ASAP1: variants seen among roughly 807,000 people sequenced by gnomAD.
The protein encoded by ASAP1 is arf-GAP with SH3 domain, ANK repeat and PH domain-containing protein 1.
ASAP1 carries 43 observed loss-of-function variants against 145.2 expected under a neutral mutation model. The observed-to-expected ratio is 0.30, with a 90% CI of 0.23 to 0.38. ASAP1 has a LOEUF of 0.38. Ranked by LOEUF, ASAP1 falls within the 10% of genes least tolerant of loss-of-function variation. The pLI is 1.00. For synonymous variants in ASAP1, 546 were observed against 515.5 expected (o/e 1.06, Z -0.80); for missense variants, 1,018 against 1,355.3 (o/e 0.75, Z 3.91).
chr8:130,151,147 C>T (rs181363932), intron 13 of ASAP1, among the ~76,000 whole-genome samples: 1 of 151,854 alleles, frequency 6.6e-6, no homozygotes, highest in Non-Finnish European at 1.5e-5. Context: ...CCGAAGCGGG[C>T]AGATCACAAG....
intron 2 of ASAP1, among the ~76,000 whole-genome samples, chr8:130,398,737 A>AAT (rs1048206880): frequency 2.2e-4 from 33 of 152,314 alleles, no homozygotes; most frequent in African/African-American, 7.7e-4. Flanking sequence ...TAAGTCTATA[A>AAT]AACAGGAGAG....
intron 3 of ASAP1, among the ~76,000 whole-genome samples, chr8:130,266,372 G>T (rs10505549): frequency 0.18 from 27,563 of 152,062 alleles, 3,168 homozygotes; most frequent in East Asian, 0.44. Flanking sequence ...TCATATCAGT[G>T]ACTTAATCTC....
At position 130,244,836 on chromosome 8, in the gene ASAP1, GC is replaced by G. The variant is rs1233839672; in HGVS notation, c.187-7843del. Reference sequence around the variant, plus strand: ...CCCCTGCAATCCTGGAGGAGAAGACGCCCATGGCATTCTATCTGACACTCCT... The same window carrying G: ...CCCCTGCAATCCTGGAGGAGAAGACGCCATGGCATTCTATCTGACACTCCT... On this transcript the variant is annotated intron_variant, in intron 3 of 29. Transcript: ENST00000518721. 1.8e-4 allele frequency among the ~76,000 whole-genome samples: 27 copies of G among 152,122 alleles called. 1 individual carries two copies. Among genetic ancestry groups the G allele is most frequent in the Admixed American group, 1.8e-3 (27 of 15,258 alleles).
intron 3 of ASAP1, among the ~76,000 whole-genome samples, chr8:130,312,886 A>ATTC (rs1289058128): frequency 2.6e-5 from 4 of 152,220 alleles, no homozygotes; most frequent in Non-Finnish European, 5.9e-5. Context: ...AGATGAGGGA[A>ATTC]TAAGCACGTG....
Position 130,379,314 on chromosome 8 carries a change from G to A in ASAP1, c.60-21171C>T, listed in dbSNP as rs765146441. Among the ~76,000 whole-genome samples the A allele has an allele frequency of 1.3e-3, 200 of 152,134 alleles. 3 individuals carry two copies. The highest frequency in any genetic ancestry group is 2.8e-4 in the Non-Finnish European group (19 of 68,030). On this transcript the variant is annotated intron_variant, in intron 2 of 29. Coordinates refer to ENST00000518721, the MANE Select transcript of ASAP1 (RefSeq NM_018482.4). ...GAGTTGTATCCTTTATAATAAACCA[G>A]TAATAGTAAGTATTTTCCTGAGTTC...
intron 1 of ASAP1, among the ~76,000 whole-genome samples, chr8:130,428,415 CCATCACCAT>C (rs1830005754): frequency 1.6e-5 from 2 of 122,982 alleles, no homozygotes; most frequent in Admixed American, 8.4e-5. Flanking sequence ...ATCACCACCA[CCATCACCAT>C]CATCATCATC....
chr8:130,420,101 C>T (rs1291135386), intron 1 of ASAP1, among the ~76,000 whole-genome samples: 1 of 152,012 alleles, frequency 6.6e-6, no homozygotes, highest in Non-Finnish European at 1.5e-5. Context: ...AACCAGCTTA[C>T]ACCTACTTAA....
chr8:130,379,648 C>G (rs1451471171), intron 2 of ASAP1, among the ~76,000 whole-genome samples: 4 of 152,142 alleles, frequency 2.6e-5, no homozygotes, highest in Non-Finnish European at 5.9e-5. Flanking sequence ...TAGAGAAAAC[C>G]CCAAACATTT....
chr8:130,382,239 T>C (rs1401290719), intron 2 of ASAP1, among the ~76,000 whole-genome samples: 1 of 135,522 alleles, frequency 7.4e-6, no homozygotes. Context: ...TGAGCCGAGA[T>C]TGCGCCACTG....
chr8:130,133,457 C>G (rs1283580304), intron 15 of ASAP1, among the ~76,000 whole-genome samples: 1 of 151,484 alleles, frequency 6.6e-6, no homozygotes, highest in Non-Finnish European at 1.5e-5. Flanking sequence ...GAGATCGAGA[C>G]CATCCTGGCT....
At chr8:130,244,916 T>C (rs950623864) in intron 3 of ASAP1, among the ~76,000 whole-genome samples, 1 of 151,984 alleles carries the variant, frequency 6.6e-6, no homozygotes, top group East Asian at 1.9e-4. Context: ...GAAAGACAAG[T>C]TGAGGCAGAG....
intron 2 of ASAP1, among the ~76,000 whole-genome samples, chr8:130,364,311 T>C (rs1313661094): frequency 6.6e-6 from 1 of 152,244 alleles, no homozygotes; most frequent in Admixed American, 6.5e-5. Flanking sequence ...TTTAGTCCTA[T>C]GAAAGAATAA....
chr8:130,384,914 T>C (rs963951330), intron 2 of ASAP1, among the ~76,000 whole-genome samples: 2 of 152,194 alleles, frequency 1.3e-5, no homozygotes, highest in Non-Finnish European at 2.9e-5. Context: ...CTGGAAGTTA[T>C]AATCTAGTGA....
chr8:130,150,691 A>C (rs942027690), intron 13 of ASAP1, among the ~76,000 whole-genome samples: 3 of 151,998 alleles, frequency 2.0e-5, no homozygotes, highest in Non-Finnish European at 2.9e-5. Flanking sequence ...CCAGCTGGGC[A>C]ACACAGCGAA....
intron 15 of ASAP1, among the ~76,000 whole-genome samples, chr8:130,131,153 A>AAAAC (rs149995760): frequency 0.22 from 32,989 of 149,196 alleles, 4,310 homozygotes; most frequent in African/African-American, 0.36. Context: ...CAAGACTCTG[A>AAAAC]AAACAAACAA....
chr8:130,376,072 G>A (rs1827476481), intron 2 of ASAP1, among the ~76,000 whole-genome samples: 1 of 152,206 alleles, frequency 6.6e-6, no homozygotes, highest in African/African-American at 2.4e-5. Flanking sequence ...TGGAATTAGA[G>A]CTTCCAGGAA....
chr8:130,409,026 C>A (rs1228325537), intron 1 of ASAP1, among the ~76,000 whole-genome samples: 1 of 152,098 alleles, frequency 6.6e-6, no homozygotes, highest in African/African-American at 2.4e-5. Context: ...CTTTGGGAGG[C>A]CAAGGCGGGT....
Position 130,382,547 on chromosome 8 carries a change from G to A in ASAP1, c.59+19338C>T, listed in dbSNP as rs532220281. ...GTATTCTCATTTGTATCCCCAGCAC[G>A]CAGTGCTACCACCCAATAGATGCTT... On this transcript the variant is annotated intron_variant, in intron 2 of 29. Coordinates refer to ENST00000518721, the MANE Select transcript of ASAP1 (RefSeq NM_018482.4). Among the ~76,000 whole-genome samples, 17 of 152,140 alleles carry A rather than the reference G, an allele frequency of 1.1e-4. 1 individual carries two copies. The South Asian group carries it at 3.1e-3, about 28-fold the overall frequency.
intron 3 of ASAP1, among the ~76,000 whole-genome samples, chr8:130,258,715 A>G (rs535625183): frequency 2.9e-4 from 44 of 152,290 alleles, no homozygotes; most frequent in Non-Finnish European, 5.4e-4. Flanking sequence ...AACAAATAGT[A>G]CTTATCAGTT....
Sources: allele counts gnomAD v4.1 joint callset (sites outside exome capture counted in the v4.1 genomes callset), GRCh38; gene constraint gnomAD v4.1.1; transcripts MANE v1.5; gene names NCBI Gene and HGNC (gene_info 2026-07-23, HGNC 2026-07-21).